Variants in CAMTA1 observed in about 807,000 individuals in gnomAD.
CAMTA1 encodes the protein calmodulin-binding transcription activator 1.
A neutral mutation model predicts 170.9 loss-of-function variants in CAMTA1; 27 were observed. That is an observed-to-expected ratio of 0.16 (90% CI 0.12 to 0.22). The LOEUF (loss-of-function observed/expected upper bound fraction) is 0.22. CAMTA1 is among the 10% of genes least tolerant of loss of function. The pLI is 1.00. For missense variants in CAMTA1, 1,619 were observed against 2,217.2 expected (o/e 0.73, Z 5.42); for synonymous variants, 833 against 891.5 (o/e 0.93, Z 1.17).
At position 7,256,735 on chromosome 1, in the gene CAMTA1, C is replaced by T. The variant is rs80077221; in HGVS notation, c.438+7109C>T. On this transcript the variant is annotated intron_variant, in intron 5 of 22. Coordinates refer to ENST00000303635, the MANE Select transcript of CAMTA1 (RefSeq NM_015215.4). Reference sequence around the variant, plus strand: ...TTAAACAACTGAAATTTATTCCTCACGGTTCTAGAGGCTGGGAAGTTTAGG... The same window carrying T: ...TTAAACAACTGAAATTTATTCCTCATGGTTCTAGAGGCTGGGAAGTTTAGG... 2.0e-3 allele frequency among the ~76,000 whole-genome samples: 300 copies of T among 152,240 alleles called. 7 individuals carry two copies. In the East Asian group the frequency reaches 0.024, roughly 12 times the overall value.
chr1:7,103,962 TAC>T (rs1427065327), intron 4 of CAMTA1, among the ~76,000 whole-genome samples: 23 of 141,326 alleles, frequency 1.6e-4, no homozygotes, highest in African/African-American at 2.1e-4. Flanking sequence ...TACATACAAC[TAC>T]ACACACGCAC....
At chr1:6,792,106 A>G (rs1347792907) in intron 1 of CAMTA1, among the ~76,000 whole-genome samples, 1 of 151,824 alleles carries the variant, frequency 6.6e-6, no homozygotes, top group Non-Finnish European at 1.5e-5. Context: ...GGCGTGCACC[A>G]CCATGCCCGG....
At chr1:7,512,165 C>A (rs1422689198) in intron 6 of CAMTA1, among the ~76,000 whole-genome samples, 2 of 152,198 alleles carry the variant, frequency 1.3e-5, no homozygotes, top group African/African-American at 4.8e-5. Context: ...TTACTGAGCA[C>A]CTGCTCTGTA....
intron 11 of CAMTA1, among the ~76,000 whole-genome samples, chr1:7,702,085 G>A (rs1577010781): frequency 6.6e-6 from 1 of 152,024 alleles, no homozygotes; most frequent in Admixed American, 6.6e-5. Context: ...CACTCCAGGA[G>A]AAGAACGAGC....
At chr1:7,252,854 A>T (rs1666835155) in intron 5 of CAMTA1, among the ~76,000 whole-genome samples, 1 of 151,986 alleles carries the variant, frequency 6.6e-6, no homozygotes, top group Non-Finnish European at 1.5e-5. Flanking sequence ...GGCCAGGAAA[A>T]CTTCCAGCCC....
chr1:7,161,728 G>A (rs1232413627), intron 4 of CAMTA1, among the ~76,000 whole-genome samples: 2 of 152,112 alleles, frequency 1.3e-5, no homozygotes, highest in African/African-American at 4.8e-5. Flanking sequence ...CCCAGTCTTG[G>A]GTATGTCTTT....
intron 4 of CAMTA1, among the ~76,000 whole-genome samples, chr1:7,091,804 TC>T (rs1370542978): frequency 6.6e-6 from 1 of 152,062 alleles, no homozygotes; most frequent in Non-Finnish European, 1.5e-5. Context: ...GGTAAAGAGA[TC>T]CCCCCAAATC....
intron 4 of CAMTA1, among the ~76,000 whole-genome samples, chr1:7,205,334 C>A (rs1657533308): frequency 1.3e-5 from 2 of 151,716 alleles, no homozygotes; most frequent in Admixed American, 6.6e-5. Flanking sequence ...AACTCCTGAC[C>A]TCAGGTGATC....
At chr1:7,005,262 C>T (rs762918765) in intron 3 of CAMTA1, among the ~76,000 whole-genome samples, 11 of 152,172 alleles carry the variant, frequency 7.2e-5, no homozygotes, top group Non-Finnish European at 1.5e-4. Context: ...ACACTCTGGC[C>T]GGTTTTCCAG....
At chr1:6,821,800 A>C (rs961148536) in intron 2 of CAMTA1, among the ~76,000 whole-genome samples, 2 of 152,200 alleles carry the variant, frequency 1.3e-5, no homozygotes, top group African/African-American at 4.8e-5. Flanking sequence ...TGGCAATGTG[A>C]ATCTCATTTT....
At chr1:7,550,717 C>A (rs2094788055) in intron 6 of CAMTA1, among the ~76,000 whole-genome samples, 1 of 149,410 alleles carries the variant, frequency 6.7e-6, no homozygotes, top group South Asian at 2.1e-4. Flanking sequence ...TACCTGGCCC[C>A]TCCCCCTGAC....
Position 6,794,219 on chromosome 1 carries a change from C to G in CAMTA1, c.45+8644C>G, listed in dbSNP as rs1641897366. Among the ~76,000 whole-genome samples the G allele has an allele frequency of 3.9e-5, 6 of 152,218 alleles. No homozygotes were observed. In the South Asian group the frequency reaches 1.2e-3, roughly 32 times the overall value. On this transcript the variant is annotated intron_variant, in intron 1 of 22. Coordinates refer to ENST00000303635, the MANE Select transcript of CAMTA1 (RefSeq NM_015215.4). The stretch of plus-strand genomic sequence containing the variant: ...TGGTTTTAAGAAAAATATTGTTTGT[C>G]TTTTTAAAAAGTAATTGAAATAACC...
rs540387545 is a variant in CAMTA1, at chr1:7,249,054, T to C, written c.303-437T>C. 6.6e-6 allele frequency among the ~76,000 whole-genome samples: 1 copy of C among 152,322 alleles called. No individual in the cohort carries two copies. The highest frequency in any genetic ancestry group is 1.9e-4 in the East Asian group (1 of 5,182). On this transcript the variant is annotated intron_variant, in intron 4 of 22. Transcript: ENST00000303635. The surrounding 1 kb of genome is among the most constrained non-coding windows in gnomAD (Gnocchi z 4.4). ...TAACATAGTCATCTAGCGTCTGCGTTAAACTTATTTATTTCCTAATGCTGG... is the reference window on the plus strand; with the variant it reads ...TAACATAGTCATCTAGCGTCTGCGTCAAACTTATTTATTTCCTAATGCTGG...
chr1:7,387,915 A>G (rs549976460), intron 5 of CAMTA1, among the ~76,000 whole-genome samples: 1 of 152,268 alleles, frequency 6.6e-6, no homozygotes, highest in African/African-American at 2.4e-5. Flanking sequence ...GATAATGTAC[A>G]GAAAGCCCCT....
chr1:7,440,816 A>T (rs1022215552), intron 5 of CAMTA1, among the ~76,000 whole-genome samples: 3 of 152,302 alleles, frequency 2.0e-5, no homozygotes, highest in East Asian at 3.9e-4. Context: ...CGGTTTCCTT[A>T]GCCGATGGCG....
chr1:7,142,738 C>G (rs1310385809), intron 4 of CAMTA1, among the ~76,000 whole-genome samples: 1 of 152,166 alleles, frequency 6.6e-6, no homozygotes, highest in African/African-American at 2.4e-5. Flanking sequence ...TGGGAGCAGC[C>G]TGAGGCCCTC....
intron 3 of CAMTA1, among the ~76,000 whole-genome samples, chr1:7,075,266 C>G (rs1339229817): frequency 6.6e-6 from 1 of 152,130 alleles, no homozygotes; most frequent in Non-Finnish European, 1.5e-5. Context: ...ATGTCCTTAG[C>G]AAGTCGTCAG....
At chr1:7,484,049 T>TA (rs1302178183) in intron 6 of CAMTA1, among the ~76,000 whole-genome samples, 1 of 152,204 alleles carries the variant, frequency 6.6e-6, no homozygotes, top group Non-Finnish European at 1.5e-5. Context: ...CATTATGGGC[T>TA]AAAATATTGT....
chr1:7,541,037 G>A (rs767806625), intron 6 of CAMTA1, among the ~76,000 whole-genome samples: 2 of 152,324 alleles, frequency 1.3e-5, no homozygotes, highest in South Asian at 2.1e-4. Flanking sequence ...ACTGGCTGTT[G>A]CCAAAAAAGG....
Sources: allele counts gnomAD v4.1 joint callset (sites outside exome capture counted in the v4.1 genomes callset), GRCh38; gene constraint gnomAD v4.1.1; non-coding constraint Gnocchi (gnomAD v3.1); transcripts MANE v1.5; gene names NCBI Gene and HGNC (gene_info 2026-07-23, HGNC 2026-07-21).